Variants in EEF1AKMT1 observed in about 807,000 individuals in gnomAD.
The protein encoded by EEF1AKMT1 is EEF1A lysine methyltransferase 1, also known as N-6 adenine-specific DNA methyltransferase 2 (putative).
A neutral mutation model predicts 21.0 loss-of-function variants in EEF1AKMT1; 18 were observed. The observed-to-expected ratio is 0.86, with a 90% CI of 0.59 to 1.27. The LOEUF is 1.27. EEF1AKMT1 is among the 50% of genes most tolerant of loss of function. EEF1AKMT1 has a pLI of 0.00. For synonymous variants in EEF1AKMT1, 109 were observed against 94.8 expected, an observed-to-expected ratio of 1.15 and a Z score of -0.87; for missense variants, 246 against 258.6, an observed-to-expected ratio of 0.95 and a Z score of 0.33.
rs570749334 is a variant in EEF1AKMT1 at position 20,735,610 on chromosome 13, G to A, written c.227+2113C>T. ...AGACACGGGGGTTCCCTAGGAGAAC[G>A]GCTCATTCAGATGCTCCAACTGTAG... On this transcript the variant is annotated intron_variant, in intron 3 of 4. Transcript: ENST00000382758. Among the ~76,000 whole-genome samples, 84 of 152,170 alleles carry A rather than the reference G, an allele frequency of 5.5e-4. 1 individual carries two copies. Among genetic ancestry groups the A allele is most frequent in the African/African-American group, 1.7e-3 (72 of 41,510 alleles).
At chr13:20,733,567 C>T (rs576314498) in intron 3 of EEF1AKMT1, among the ~76,000 whole-genome samples, 9 of 152,286 alleles carry the variant, frequency 5.9e-5, no homozygotes, top group Admixed American at 4.6e-4. Context: ...GCTGAAGCAG[C>T]CCTCTCTATG....
intron 1 of EEF1AKMT1, among the ~76,000 whole-genome samples, chr13:20,762,814 T>A (rs2141435934): frequency 6.6e-6 from 1 of 152,242 alleles, no homozygotes; most frequent in Admixed American, 6.5e-5. Context: ...ACACCCAGGG[T>A]GTAGATGTTC....
intron 3 of EEF1AKMT1, among the ~76,000 whole-genome samples, chr13:20,732,625 G>A (rs903002297): frequency 9.2e-5 from 14 of 152,152 alleles, no homozygotes; most frequent in East Asian, 3.8e-4. Flanking sequence ...GAGCTACCGC[G>A]CCTGGCCTAT....
At position 20,732,078 on chromosome 13, in the gene EEF1AKMT1, C is replaced by T. The variant is rs770380502; in HGVS notation, c.271G>A (p.Glu91Lys). ...SAPSVYQKLR[E>K]LCRENFSIYI... ...ATCGAAAAGTTTTCTCTGCACAGCTCTCTGAGTTTCTGGTAAACACTAGGG... is the reference window on the plus strand; with the variant it reads ...ATCGAAAAGTTTTCTCTGCACAGCTTTCTGAGTTTCTGGTAAACACTAGGG... The change falls in exon 4 of 5, where the codon GAG (glutamate) becomes AAG (lysine). Residue 91 changes from glutamate (E) to lysine (K), a missense_variant. By Grantham distance (56) the Glu-to-Lys change is moderately conservative. Transcript: ENST00000382758. 1.2e-6 allele frequency: 2 copies of T among 1,613,894 alleles called. No homozygotes were observed. Among genetic ancestry groups the T allele is most frequent in the Middle Eastern group, 1.7e-4 (1 of 6,060 alleles).
intron 2 of EEF1AKMT1, 103 bp downstream of exon 2, chr13:20,757,352 G>T: frequency 7.4e-7 from 1 of 1,354,792 alleles, no homozygotes; most frequent in Non-Finnish European, 1.0e-6. Flanking sequence ...AATGACAGGT[G>T]ACAGAGATTC....
intron 1 of EEF1AKMT1, among the ~76,000 whole-genome samples, chr13:20,758,891 G>A (rs1287251590): frequency 1.3e-5 from 2 of 152,056 alleles, no homozygotes; most frequent in Non-Finnish European, 2.9e-5. Flanking sequence ...ACTGGTCTTC[G>A]ATCAAGTCAA....
At chr13:20,737,868 A>T (rs1177369272) in intron 2 of EEF1AKMT1, 63 bp from the exon 3 acceptor site, 4 of 1,184,172 alleles carry the variant, frequency 3.4e-6, no homozygotes, top group Non-Finnish European at 4.9e-6. Flanking sequence ...CTTTTAATTT[A>T]TATATAATCT....
intron 2 of EEF1AKMT1, among the ~76,000 whole-genome samples, chr13:20,754,262 G>GTTT (rs386378396): frequency 8.7e-6 from 1 of 114,686 alleles, no homozygotes; most frequent in African/African-American, 2.7e-5. Flanking sequence ...TTTGTTGGCA[G>GTTT]TTTTTTTTTC....
At chr13:20,748,623 C>T (rs2058921447) in intron 2 of EEF1AKMT1, among the ~76,000 whole-genome samples, 1 of 151,662 alleles carries the variant, frequency 6.6e-6, no homozygotes, top group South Asian at 2.1e-4. Flanking sequence ...GATAATCCAC[C>T]TATATATACT....
chr13:20,754,741 C>CAAAAAAAAAAA (rs56777421), intron 2 of EEF1AKMT1, among the ~76,000 whole-genome samples: 5 of 116,580 alleles, frequency 4.3e-5, no homozygotes, highest in Admixed American at 8.9e-5. Context: ...ACCAAAAATA[C>CAAAAAAAAAAA]AAAAAAAAAA....
chr13:20,740,256 A>G (rs1460331446), intron 2 of EEF1AKMT1, among the ~76,000 whole-genome samples: 1 of 152,126 alleles, frequency 6.6e-6, no homozygotes, highest in African/African-American at 2.4e-5. Flanking sequence ...CCCACCTGGA[A>G]CTCGTGCTGG....
intron 3 of EEF1AKMT1, 98 bp from the exon 4 acceptor site, chr13:20,732,219 G>A: frequency 1.5e-6 from 2 of 1,344,488 alleles, no homozygotes; most frequent in Non-Finnish European, 2.0e-6. Context: ...CGAGTGCTCA[G>A]AGTTTCTTAC....
chr13:20,751,930 G>A (rs925993520), intron 2 of EEF1AKMT1, among the ~76,000 whole-genome samples: 1 of 151,812 alleles, frequency 6.6e-6, no homozygotes, highest in Non-Finnish European at 1.5e-5. Context: ...TTGCCTTCTC[G>A]ATTTCTTTCT....
At chr13:20,749,127 A>G (rs1566533736) in intron 2 of EEF1AKMT1, among the ~76,000 whole-genome samples, 1 of 152,188 alleles carries the variant, frequency 6.6e-6, no homozygotes, top group Non-Finnish European at 1.5e-5. Flanking sequence ...TCCTTTCAGT[A>G]GAATTCCTTT....
chr13:20,756,652 A>G (rs1241450609), intron 2 of EEF1AKMT1, among the ~76,000 whole-genome samples: 1 of 152,214 alleles, frequency 6.6e-6, no homozygotes, highest in Non-Finnish European at 1.5e-5. Context: ...CAAGATGAAG[A>G]CAGTTTAAAG....
chr13:20,733,311 G>A (rs1414534714), intron 3 of EEF1AKMT1, among the ~76,000 whole-genome samples: 2 of 152,108 alleles, frequency 1.3e-5, no homozygotes, highest in African/African-American at 4.8e-5. Flanking sequence ...GGCCAGGCTG[G>A]TCTTGAACTC....
chr13:20,763,459 T>G (rs576717561), intron 1 of EEF1AKMT1, among the ~76,000 whole-genome samples: 101 of 150,088 alleles, frequency 6.7e-4, no homozygotes, highest in African/African-American at 2.3e-3. Flanking sequence ...AAATTTTTGT[T>G]TTTTTTTTTT....
chr13:20,753,497 T>C (rs1016633305), intron 2 of EEF1AKMT1, among the ~76,000 whole-genome samples: 1 of 152,192 alleles, frequency 6.6e-6, no homozygotes, highest in Non-Finnish European at 1.5e-5. Flanking sequence ...TAATTTTCTA[T>C]GTAGATGATC....
At chr13:20,761,420 T>G (rs2059001063) in intron 1 of EEF1AKMT1, among the ~76,000 whole-genome samples, 1 of 152,244 alleles carries the variant, frequency 6.6e-6, no homozygotes, top group South Asian at 2.1e-4. Flanking sequence ...TCCTTTTTAT[T>G]GCTGAGTAGT....
Sources: gnomAD v4.1 joint callset for allele counts (sites outside exome capture counted in the v4.1 genomes callset) on GRCh38, gnomAD v4.1.1 for gene constraint, MANE v1.5 for transcripts, NCBI Gene and HGNC (gene_info 2026-07-23, HGNC 2026-07-21) for gene names.